The following CTIF variants were observed in gnomAD, a reference collection of about 807,000 sequenced individuals.
The protein encoded by CTIF is cap binding complex dependent translation initiation factor, also known as CBP80/20-dependent translation initiation factor.
Under a neutral mutation model 66.0 loss-of-function variants are expected in CTIF, and 21 were observed. That is an observed-to-expected ratio of 0.32 (90% confidence interval 0.23 to 0.46). The LOEUF is 0.46. Among genes scored for constraint, CTIF ranks in the 20% least tolerant of loss-of-function variants. The pLI, the probability that CTIF is intolerant of heterozygous loss-of-function variation, is 1.00. For missense variants in CTIF, 739 were observed against 812.7 expected (o/e 0.91, Z 1.10); for synonymous variants, 345 against 326.4 (o/e 1.06, Z -0.62).
chr18:48,859,173 G>T lies in CTIF; in HGVS notation c.1582-171G>T, dbSNP rs958539163. 2.0e-5 allele frequency among the ~76,000 whole-genome samples: 3 copies of T among 152,148 alleles called. No homozygotes were observed. The East Asian group carries it at 5.8e-4, about 29-fold the overall frequency. ...TGGTAAATGTGAGCTCTCACTCTTG[G>T]CTACTCCACCTTCCACTCTCCCTGT... On this transcript the variant is annotated intron_variant, in intron 11 of 11. Transcript: ENST00000256413.
chr18:48,681,447 C>G (rs1390600431), intron 6 of CTIF, among the ~76,000 whole-genome samples: 1 of 152,232 alleles, frequency 6.6e-6, no homozygotes, highest in African/African-American at 2.4e-5. Flanking sequence ...CTCCTTTCCC[C>G]ATTGACTCGT....
intron 6 of CTIF, among the ~76,000 whole-genome samples, chr18:48,679,585 G>A (rs933659780): frequency 2.0e-5 from 3 of 152,200 alleles, no homozygotes; most frequent in Non-Finnish European, 4.4e-5. Flanking sequence ...AGACAGAAAA[G>A]ACTGTTGGGG....
intron 10 of CTIF, among the ~76,000 whole-genome samples, chr18:48,855,683 G>T (rs1345572233): frequency 1.3e-5 from 2 of 152,220 alleles, no homozygotes; most frequent in Non-Finnish European, 2.9e-5. Context: ...CCAGGATGAC[G>T]CATCAGGACG....
chr18:48,792,840 G>C (rs1030137097), intron 9 of CTIF, among the ~76,000 whole-genome samples: 9 of 152,168 alleles, frequency 5.9e-5, no homozygotes, highest in African/African-American at 2.2e-4. Flanking sequence ...TGTCATGTTG[G>C]AATTGTGCAA....
At chr18:48,634,705 A>G (rs2090780681) in intron 2 of CTIF, among the ~76,000 whole-genome samples, 1 of 152,136 alleles carries the variant, frequency 6.6e-6, no homozygotes, top group Non-Finnish European at 1.5e-5. Context: ...GAGCCTGGGA[A>G]TTGTGGTCCG....
intron 10 of CTIF, among the ~76,000 whole-genome samples, chr18:48,828,601 T>C (rs2068629006): frequency 6.6e-6 from 1 of 152,226 alleles, no homozygotes; most frequent in African/African-American, 2.4e-5. Context: ...AAAACCATTT[T>C]CCAGCCGGAA....
At chr18:48,809,208 G>C (rs888024931) in intron 9 of CTIF, among the ~76,000 whole-genome samples, 1 of 152,074 alleles carries the variant, frequency 6.6e-6, no homozygotes, top group Admixed American at 6.5e-5. Context: ...TTGATTTTGT[G>C]TATTAATTTT....
intron 2 of CTIF, among the ~76,000 whole-genome samples, chr18:48,621,797 G>A (rs2090498462): frequency 6.6e-6 from 1 of 152,194 alleles, no homozygotes; most frequent in South Asian, 2.1e-4. Flanking sequence ...GAGGAGTTTA[G>A]CTGTAAAGGG....
intron 6 of CTIF, among the ~76,000 whole-genome samples, chr18:48,704,365 A>G (rs1417764508): frequency 6.6e-6 from 1 of 152,230 alleles, no homozygotes; most frequent in Non-Finnish European, 1.5e-5. Context: ...AACATATACA[A>G]ATTCAAATCT....
At chr18:48,613,744 T>G (rs1322583551) in intron 1 of CTIF, among the ~76,000 whole-genome samples, 1 of 152,138 alleles carries the variant, frequency 6.6e-6, no homozygotes, top group South Asian at 2.1e-4. Context: ...GACACAGATG[T>G]GGCCAAGCTT....
At chr18:48,656,643 G>C (rs1039583050) in intron 3 of CTIF, among the ~76,000 whole-genome samples, 13 of 152,150 alleles carry the variant, frequency 8.5e-5, no homozygotes, top group Non-Finnish European at 1.5e-4. Flanking sequence ...TCTGTGATCT[G>C]TTCTGCCAGC....
At chr18:48,727,091 C>CAA (rs1482202541) in intron 7 of CTIF, among the ~76,000 whole-genome samples, 2 of 151,944 alleles carry the variant, frequency 1.3e-5, no homozygotes, top group African/African-American at 4.8e-5. Context: ...CACACACACA[C>CAA]ACACACACAC....
At chr18:48,773,538 G>A (rs1011563353) in intron 9 of CTIF, among the ~76,000 whole-genome samples, 1 of 152,230 alleles carries the variant, frequency 6.6e-6, no homozygotes, top group Non-Finnish European at 1.5e-5. Context: ...CCCTAGCGCT[G>A]GTCCCCTTCC....
Position 48,758,246 on chromosome 18 carries a change from C to T in CTIF, c.912C>T (p.Ala304=). The change falls in exon 8 of 12, where the codon GCC becomes GCT. Residue 304 remains alanine, a synonymous_variant. Coordinates refer to ENST00000256413, the MANE Select transcript of CTIF (RefSeq NM_014772.3). Reference sequence around the variant, plus strand: ...CCCCCCGCAGCCCTGACACCCTGGCCCCGGTGGCTTCTGAGCGGCTGCCCC... The same window carrying T: ...CCCCCCGCAGCCCTGACACCCTGGCTCCGGTGGCTTCTGAGCGGCTGCCCC... ...LEAPRSPDTL[A]PVASERLPPQ... is the part of the protein sequence containing the mutation. 1.9e-6 allele frequency: 3 copies of T among 1,613,382 alleles called. No individual in the cohort carries two copies. The highest frequency in any genetic ancestry group is 1.7e-6 in the Non-Finnish European group (2 of 1,179,762).
At chr18:48,620,490 A>G (rs1169633390) in intron 2 of CTIF, among the ~76,000 whole-genome samples, 1 of 152,194 alleles carries the variant, frequency 6.6e-6, no homozygotes, top group Non-Finnish European at 1.5e-5. Context: ...CTGCTTCCAG[A>G]TTGGCTTCTA....
intron 9 of CTIF, among the ~76,000 whole-genome samples, chr18:48,763,333 G>T (rs566519892): frequency 6.6e-6 from 1 of 152,244 alleles, no homozygotes; most frequent in Non-Finnish European, 1.5e-5. Context: ...ATCTCAGATC[G>T]GGTATTTCTT....
chr18:48,795,269 T>C (rs1293899690), intron 9 of CTIF, among the ~76,000 whole-genome samples: 2 of 152,174 alleles, frequency 1.3e-5, no homozygotes, highest in Non-Finnish European at 2.9e-5. Flanking sequence ...GCCATTCTCC[T>C]CTCGCTCCCT....
chr18:48,613,207 T>C (rs1404163318), intron 1 of CTIF, among the ~76,000 whole-genome samples: 1 of 152,188 alleles, frequency 6.6e-6, no homozygotes, highest in East Asian at 1.9e-4. Context: ...GAAAGGATAC[T>C]GAGAAGGCTG....
chr18:48,766,934 T>C (rs1370021397), intron 9 of CTIF, among the ~76,000 whole-genome samples: 2 of 152,178 alleles, frequency 1.3e-5, no homozygotes, highest in African/African-American at 2.4e-5. Flanking sequence ...ATTTTCCTTT[T>C]CCTTGGCCTG....
Sources: allele counts gnomAD v4.1 joint callset (sites outside exome capture counted in the v4.1 genomes callset), GRCh38; gene constraint gnomAD v4.1.1; transcripts MANE v1.5; gene names NCBI Gene and HGNC (gene_info 2026-07-23, HGNC 2026-07-21).